The following PDE1A variants were observed in gnomAD, a reference collection of about 807,000 sequenced individuals.
The protein encoded by PDE1A is dual specificity calcium/calmodulin-dependent 3',5'-cyclic nucleotide phosphodiesterase 1A.
A neutral mutation model predicts 61.7 loss-of-function variants in PDE1A; 35 were observed. The observed-to-expected ratio is 0.57, with a 90% CI of 0.43 to 0.75. The LOEUF (loss-of-function observed/expected upper bound fraction) is 0.75, where lower values mean the gene tolerates loss of function less well. PDE1A is among the 30% of genes least tolerant of loss of function. The pLI is 0.00. For synonymous variants in PDE1A, 232 were observed against 213.2 expected (o/e 1.09, Z -0.77); for missense variants, 597 against 630.6 (o/e 0.95, Z 0.57).
At chr2:182,159,971 A>G (rs1267446995) in intron 13 of PDE1A, among the ~76,000 whole-genome samples, 1 of 152,172 alleles carries the variant, frequency 6.6e-6, no homozygotes, top group Non-Finnish European at 1.5e-5. Flanking sequence ...AAAAAGAATT[A>G]TTGTAGAAAA....
At chr2:182,173,954 C>A (rs1376307239) in intron 13 of PDE1A, among the ~76,000 whole-genome samples, 1 of 151,660 alleles carries the variant, frequency 6.6e-6, no homozygotes, top group Non-Finnish European at 1.5e-5. Context: ...TTCAAAAAAT[C>A]AATTTTTACT....
At chr2:182,371,232 C>A (rs1700114185) in intron 1 of PDE1A, among the ~76,000 whole-genome samples, 1 of 152,120 alleles carries the variant, frequency 6.6e-6, no homozygotes, top group African/African-American at 2.4e-5. Flanking sequence ...TAGACTTCTT[C>A]CATATTAAAT....
chr2:182,186,590 T>G lies in PDE1A; in HGVS notation c.1208-2A>C, dbSNP rs758893500. 6.3e-7 allele frequency: 1 copy of G among 1,593,958 alleles called. No individual in the cohort carries two copies. Among genetic ancestry groups the G allele is most frequent in the East Asian group, 2.2e-5 (1 of 44,590 alleles). On this transcript the variant is annotated splice_acceptor_variant, in intron 11 of 13. Transcript: ENST00000351439. LOFTEE classifies it high-confidence loss of function. ...GCTCTACTATGAAATCGATGAAACC[T>G]ACAAAAGCCAAAATGAGAAGAGAGA...
chr2:182,288,888 A>G (rs1375279702), intron 1 of PDE1A, among the ~76,000 whole-genome samples: 2 of 152,222 alleles, frequency 1.3e-5, no homozygotes, highest in East Asian at 3.9e-4. Context: ...AGATTTTGAA[A>G]GACTTTTAAA....
At chr2:182,350,451 A>C (rs1698805523) in intron 1 of PDE1A, among the ~76,000 whole-genome samples, 1 of 152,192 alleles carries the variant, frequency 6.6e-6, no homozygotes, top group Non-Finnish European at 1.5e-5. Flanking sequence ...AAGCAGAAGT[A>C]GTTTCTCACA....
intron 1 of PDE1A, among the ~76,000 whole-genome samples, chr2:182,394,018 T>C (rs191714556): frequency 3.5e-4 from 54 of 152,322 alleles, no homozygotes; most frequent in South Asian, 2.9e-3. Context: ...TTCCAGTTCT[T>C]CTTCTGAGTC....
intron 1 of PDE1A, among the ~76,000 whole-genome samples, chr2:182,332,827 G>T (rs1697508624): frequency 6.6e-6 from 1 of 151,934 alleles, no homozygotes; most frequent in Non-Finnish European, 1.5e-5. Flanking sequence ...GGTGGTCAGG[G>T]ACCATTTCAC....
chr2:182,326,351 T>C (rs1401342107), intron 1 of PDE1A, among the ~76,000 whole-genome samples: 1 of 152,212 alleles, frequency 6.6e-6, no homozygotes, highest in Non-Finnish European at 1.5e-5. Context: ...AAACAAAGTA[T>C]GACATATGCA....
intron 6 of PDE1A, among the ~76,000 whole-genome samples, chr2:182,228,884 C>A (rs759992196): frequency 3.3e-5 from 5 of 152,114 alleles, no homozygotes; most frequent in Non-Finnish European, 5.9e-5. Context: ...CAGAAAGTTA[C>A]ATTTATATTT....
chr2:182,530,621 C>A, the PDE1A span, among the ~76,000 whole-genome samples: 1 of 151,916 alleles, frequency 6.6e-6, no homozygotes, highest in Non-Finnish European at 1.5e-5. Flanking sequence ...TGTGGCACAG[C>A]TTTTTTCAAG....
At chr2:182,681,686 G>A in the PDE1A span, among the ~76,000 whole-genome samples, 3 of 151,574 alleles carry the variant, frequency 2.0e-5, no homozygotes, top group African/African-American at 4.8e-5. Context: ...ATGGAGTCTC[G>A]CTCTGTCACT....
chr2:182,626,772 C>CATAT, the PDE1A span, among the ~76,000 whole-genome samples: 1 of 2,404 alleles, frequency 4.2e-4, no homozygotes, highest in African/African-American at 9.1e-4. Flanking sequence ...CATATATATA[C>CATAT]ATATATATAC....
chr2:182,180,188 T>C (rs1220425968), intron 13 of PDE1A, among the ~76,000 whole-genome samples: 1 of 151,852 alleles, frequency 6.6e-6, no homozygotes, highest in East Asian at 1.9e-4. Context: ...TAATAGCTTA[T>C]CATTGTTTCA....
chr2:182,436,462 G>A (rs1378733931), intron 2 of PDE1A, among the ~76,000 whole-genome samples: 1 of 151,884 alleles, frequency 6.6e-6, no homozygotes, highest in East Asian at 1.9e-4. Context: ...ATTATTTATT[G>A]CATCATCTAC....
the PDE1A span, among the ~76,000 whole-genome samples, chr2:182,708,604 C>G: frequency 6.6e-6 from 1 of 152,082 alleles, no homozygotes; most frequent in African/African-American, 2.4e-5. Flanking sequence ...CATCAGATCT[C>G]TGAGAACTCA....
chr2:182,690,280 A>G, the PDE1A span, among the ~76,000 whole-genome samples: 1 of 152,222 alleles, frequency 6.6e-6, no homozygotes, highest in Non-Finnish European at 1.5e-5. Flanking sequence ...AAAATCCTCA[A>G]TAAAATACTG....
chr2:182,608,699 C>T, the PDE1A span, among the ~76,000 whole-genome samples: 1 of 152,346 alleles, frequency 6.6e-6, no homozygotes, highest in African/African-American at 2.4e-5. Context: ...TGGACTCCTG[C>T]GCCTCCGGAG....
downstream of PDE1A, chr2:182,143,060 A>T (rs1690302223): frequency 6.6e-6 from 1 of 152,244 alleles, no homozygotes; most frequent in Admixed American, 6.5e-5. Flanking sequence ...TCCAAATGAA[A>T]ATATGGATCA....
the PDE1A span, among the ~76,000 whole-genome samples, chr2:182,698,926 G>C: frequency 7.1e-3 from 1,088 of 152,278 alleles, 4 homozygotes; most frequent in Non-Finnish European, 0.013. Context: ...TAAGAACACA[G>C]TGCATTTGGC....
Sources: allele counts gnomAD v4.1 joint callset (sites outside exome capture counted in the v4.1 genomes callset), GRCh38; gene constraint gnomAD v4.1.1; transcripts MANE v1.5; gene names NCBI Gene and HGNC (gene_info 2026-07-23, HGNC 2026-07-21).